The following SLC27A2 variants were observed in gnomAD, a reference collection of about 807,000 sequenced individuals.
SLC27A2 encodes solute carrier family 27 member 2.
In SLC27A2, 54 loss-of-function variants were observed where a neutral mutation model predicts 60.0. That is an observed-to-expected ratio of 0.90 (90% CI 0.72 to 1.13). The LOEUF is 1.13. SLC27A2 is among the 50% of genes most tolerant of loss of function. The pLI, the probability that SLC27A2 is intolerant of heterozygous loss-of-function variation, is 0.00. For missense variants in SLC27A2, 739 were observed against 777.6 expected, an observed-to-expected ratio of 0.95 and a Z score of 0.59; for synonymous variants, 297 against 297.6, an observed-to-expected ratio of 1.00 and a Z score of 0.02.
rs577766814 is a variant in SLC27A2 at position 50,183,994 on chromosome 15, CTTTTTTTT to C, written c.478+1100_478+1107del. 2.2e-5 allele frequency among the ~76,000 whole-genome samples: 2 copies of C among 91,138 alleles called. 1 individual carries two copies. Among genetic ancestry groups the C allele is most frequent in the South Asian group, 8.4e-4 (2 of 2,368 alleles). 59.8% of individuals were successfully genotyped at this position (91,138 alleles called of 152,430 possible). On this transcript the variant is annotated intron_variant, in intron 1 of 9. Transcript: ENST00000267842. ...TTCGAAGCCATGCTCTTTCCTACAT[CTTTTTTTT>C]TTTTTTTTTTGACAGTCTCGTTCTG...
intron 9 of SLC27A2, among the ~76,000 whole-genome samples, chr15:50,235,024 T>C (rs1275869892): frequency 6.6e-6 from 1 of 152,166 alleles, no homozygotes; most frequent in Non-Finnish European, 1.5e-5. Context: ...GCCTAAGACT[T>C]AACTATCACC....
intron 1 of SLC27A2, among the ~76,000 whole-genome samples, chr15:50,187,774 G>A (rs775816076): frequency 7.2e-5 from 11 of 152,210 alleles, no homozygotes; most frequent in Admixed American, 2.0e-4. Context: ...ATGTGATAAA[G>A]GAAAAATGCT....
intron 5 of SLC27A2, 48 bp downstream of exon 5, chr15:50,223,207 C>G (rs1455984383): frequency 1.4e-6 from 2 of 1,409,942 alleles, no homozygotes; most frequent in East Asian, 2.4e-5. Context: ...TTTCAGAATA[C>G]AGAGACTTCT....
intron 1 of SLC27A2, among the ~76,000 whole-genome samples, chr15:50,195,864 G>C (rs1485512785): frequency 6.7e-6 from 1 of 149,744 alleles, no homozygotes; most frequent in Non-Finnish European, 1.5e-5. Context: ...GACCATCCTG[G>C]CTAACACTGT....
chr15:50,205,313 G>A lies in SLC27A2; in HGVS notation c.922G>A (p.Val308Ile). Residue 308 changes from valine (V) to isoleucine (I), a missense_variant, in exon 4 of 10, where the codon GTC becomes ATC. Val to Ile is a conservative substitution (Grantham distance 29, BLOSUM62 3). Transcript: ENST00000267842. Reference protein sequence around the residue: ...WDDCRKYNVTVIQYIGELLRY... With the variant: ...WDDCRKYNVTIIQYIGELLRY... ...TGACTGCAGAAAATACAACGTCACTGTCATTCAGTATATCGGTGAACTGCT... is the reference window on the plus strand; with the variant it reads ...TGACTGCAGAAAATACAACGTCACTATCATTCAGTATATCGGTGAACTGCT... The A allele has an allele frequency of 6.2e-7, 1 of 1,611,216 alleles. No individual in the cohort carries two copies. The highest frequency in any genetic ancestry group is 1.1e-5 in the South Asian group (1 of 90,596).
At position 50,182,310 on chromosome 15, in the gene SLC27A2, TCCCGCCGCGTGCGC is replaced by T. The variant is rs963499425; in HGVS notation, c.-113_-100del. ...CCCTTCATCTCACGCGAGCCCGGCG[TCCCGCCGCGTGCGC>T]CCCGGCGCAGCCCGCCAGTCCGCCC... On this transcript the variant is annotated 5_prime_UTR_variant, in exon 1 of 10. Coordinates refer to ENST00000267842, the MANE Select transcript of SLC27A2 (RefSeq NM_003645.4). The T allele has an allele frequency of 6.7e-5, 89 of 1,323,126 alleles. 2 individuals carry two copies. The highest frequency in any genetic ancestry group is 5.0e-4 in the African/African-American group (32 of 64,398). 82.0% of individuals were successfully genotyped at this position (1,323,126 alleles called of 1,614,324 possible).
chr15:50,204,615 C>T (rs1188662143), intron 3 of SLC27A2, among the ~76,000 whole-genome samples: 1 of 151,846 alleles, frequency 6.6e-6, no homozygotes, highest in Non-Finnish European at 1.5e-5. Context: ...CGCCTGTAAT[C>T]CCAGCTACTC....
At chr15:50,208,457 G>A (rs1480948582) in intron 4 of SLC27A2, among the ~76,000 whole-genome samples, 1 of 152,126 alleles carries the variant, frequency 6.6e-6, no homozygotes, top group East Asian at 1.9e-4. Flanking sequence ...GGAGATAATA[G>A]TACCTACCTC....
chr15:50,199,650 C>T (rs139106969), intron 2 of SLC27A2, among the ~76,000 whole-genome samples: 1 of 152,060 alleles, frequency 6.6e-6, no homozygotes, highest in East Asian at 1.9e-4. Flanking sequence ...TTTGCTAGGC[C>T]AAGCACAGTG....
At chr15:50,216,213 A>G (rs895588718) in intron 4 of SLC27A2, among the ~76,000 whole-genome samples, 2 of 152,202 alleles carry the variant, frequency 1.3e-5, no homozygotes, top group African/African-American at 4.8e-5. Flanking sequence ...AAAATGCTCA[A>G]CATCACTAAT....
intron 4 of SLC27A2, among the ~76,000 whole-genome samples, chr15:50,206,236 A>C (rs1041812533): frequency 1.4e-4 from 21 of 152,118 alleles, no homozygotes; most frequent in Non-Finnish European, 3.1e-4. Context: ...TCCCCAGGTC[A>C]TGATCATCAA....
chr15:50,226,980 G>T lies in SLC27A2; in HGVS notation c.1259G>T (p.Gly420Val). ...ENGYCVRVPK[G>V]EVGLLVCKIT... ...ATAAGTTTACTTTCTTCTGTCTTAG[G>T]TGAAGTTGGACTTCTGGTTTGCAAA... Residue 420 changes from glycine (G) to valine (V), a missense_variant and splice_region_variant, in exon 7 of 10, where the codon GGT becomes GTT. By Grantham distance (109) the Gly-to-Val change is moderately radical. Transcript: ENST00000267842. 1 of 1,613,038 alleles carries T rather than the reference G, an allele frequency of 6.2e-7. No homozygotes were observed. The highest frequency in any genetic ancestry group is 8.5e-7 in the Non-Finnish European group (1 of 1,179,552).
intron 1 of SLC27A2, among the ~76,000 whole-genome samples, chr15:50,196,076 AAATATATATATATATATATATATATAT>A (rs1405072939): frequency 1.1e-4 from 2 of 17,734 alleles, no homozygotes; most frequent in African/African-American, 5.0e-4. Flanking sequence ...AAAAAAAAAA[AAATATATATATATATATATATATATAT>A]ATATATATAT....
At chr15:50,202,286 T>G (rs550916085) in intron 2 of SLC27A2, among the ~76,000 whole-genome samples, 1 of 152,368 alleles carries the variant, frequency 6.6e-6, no homozygotes, top group East Asian at 1.9e-4. Flanking sequence ...CAACAGAGAT[T>G]GTATGACCCA....
chr15:50,236,188 G>A lies in SLC27A2; in HGVS notation c.*92G>A. 1 of 1,191,850 alleles carries A rather than the reference G, an allele frequency of 8.4e-7. No individual in the cohort carries two copies. Among genetic ancestry groups the A allele is most frequent in the African/African-American group, 1.5e-5 (1 of 64,852 alleles). The allele number at this position is 1,191,850 out of a possible 1,614,324, so 73.8% of individuals were successfully genotyped here. A position where few individuals can be genotyped will look rare whatever the true frequency, so the allele number is the denominator to read the frequency against. On this transcript the variant is annotated 3_prime_UTR_variant, in exon 10 of 10. Coordinates refer to ENST00000267842, the MANE Select transcript of SLC27A2 (RefSeq NM_003645.4). ...CAACTTTAATTTGATTGAAGATTGT[G>A]AGGAAATTTTGTAGGAAATTTGCAT...
In SLC27A2 at chr15:50,223,108, G is replaced by A. The variant is rs1567436449; in HGVS notation, c.1116G>A (p.Met372Ile). The A allele has an allele frequency of 1.2e-6, 2 of 1,613,810 alleles. No homozygotes were observed. Among genetic ancestry groups the A allele is most frequent in the Non-Finnish European group, 8.5e-7 (1 of 1,179,888 alleles). ...YAATEGNIGF[M>I]NYARKVGAVG... Reference sequence around the variant, plus strand: ...CCACTGAAGGCAATATTGGATTTATGAATTATGCGAGAAAAGTTGGTGCTG... The same window carrying A: ...CCACTGAAGGCAATATTGGATTTATAAATTATGCGAGAAAAGTTGGTGCTG... The change falls in exon 5 of 10, where the codon ATG becomes ATA. Residue 372 changes from methionine to isoleucine, a missense_variant. Physicochemically the swap from Met to Ile is conservative, Grantham distance 10. Transcript: ENST00000267842.
At chr15:50,212,130 A>G (rs7182866) in intron 4 of SLC27A2, among the ~76,000 whole-genome samples, 20,025 of 151,158 alleles carry the variant, frequency 0.13, 1,359 homozygotes, top group Middle Eastern at 0.16. Context: ...GAAACTTTGG[A>G]CACACTTTTA....
At chr15:50,195,328 C>A (rs866553474) in intron 1 of SLC27A2, among the ~76,000 whole-genome samples, 12,576 of 136,840 alleles carry the variant, frequency 0.092, 842 homozygotes, top group African/African-American at 0.2. Flanking sequence ...AAAAAAAAAA[C>A]AAAAACAAAC....
At chr15:50,232,032 C>T (rs1237763765) in intron 8 of SLC27A2, among the ~76,000 whole-genome samples, 2 of 152,244 alleles carry the variant, frequency 1.3e-5, no homozygotes, top group Admixed American at 1.3e-4. Flanking sequence ...TCCCTCCCAA[C>T]TTTCAGATTC....
Sources: allele counts gnomAD v4.1 joint callset (sites outside exome capture counted in the v4.1 genomes callset), GRCh38; gene constraint gnomAD v4.1.1; transcripts MANE v1.5; gene names NCBI Gene and HGNC (gene_info 2026-07-23, HGNC 2026-07-21).